FGF1: variants seen among roughly 807,000 people sequenced by gnomAD.
FGF1 encodes beta-endothelial cell growth factor.
Under a neutral mutation model 13.4 loss-of-function variants are expected in FGF1, and 9 were observed. The observed-to-expected ratio is 0.67, with a 90% CI of 0.40 to 1.17. The LOEUF is 1.17. Among genes scored for constraint, FGF1 ranks in the 50% most tolerant of loss-of-function variants. FGF1 has a pLI of 0.01. For synonymous variants in FGF1, 93 were observed against 79.0 expected, an observed-to-expected ratio of 1.18 and a Z score of -0.94; for missense variants, 156 against 192.7, an observed-to-expected ratio of 0.81 and a Z score of 1.13.
chr5:142,615,997 C>G (rs576542063), intron 1 of FGF1, among the ~76,000 whole-genome samples: 1 of 152,336 alleles, frequency 6.6e-6, no homozygotes, highest in Non-Finnish European at 1.5e-5. Flanking sequence ...ATCTGTGAAA[C>G]AGGACTCCAT....
upstream of FGF1, among the ~76,000 whole-genome samples, chr5:142,690,654 G>C (rs144293089): frequency 6.6e-6 from 1 of 152,208 alleles, no homozygotes; most frequent in Non-Finnish European, 1.5e-5. Context: ...GAGTATTGGG[G>C]TATCTTCCTA....
chr5:142,605,877 C>G (rs1164385034), intron 2 of FGF1, among the ~76,000 whole-genome samples: 2 of 152,102 alleles, frequency 1.3e-5, no homozygotes, highest in Non-Finnish European at 2.9e-5. Flanking sequence ...AGACCTACAT[C>G]CTCTTGCAGC....
intron 1 of FGF1, among the ~76,000 whole-genome samples, chr5:142,681,062 G>A (rs1376303086): frequency 6.6e-6 from 1 of 152,216 alleles, no homozygotes; most frequent in Non-Finnish European, 1.5e-5. Context: ...ATGTCCATGA[G>A]TAATACCCCA....
At chr5:142,623,907 C>G (rs1762051082) in intron 1 of FGF1, among the ~76,000 whole-genome samples, 1 of 152,030 alleles carries the variant, frequency 6.6e-6, no homozygotes, top group Admixed American at 6.5e-5. Context: ...GGCCACCATG[C>G]CTGGTTAACT....
At chr5:142,664,808 C>T (rs1028844884) in intron 1 of FGF1, among the ~76,000 whole-genome samples, 3 of 152,104 alleles carry the variant, frequency 2.0e-5, no homozygotes, top group African/African-American at 4.8e-5. Flanking sequence ...GTCTTGACTC[C>T]GCTGCTAACA....
intron 1 of FGF1, among the ~76,000 whole-genome samples, chr5:142,645,403 CT>C (rs1765857365): frequency 6.6e-6 from 1 of 152,090 alleles, no homozygotes; most frequent in African/African-American, 2.4e-5. Context: ...AGAAATGCCC[CT>C]GAGTCAATAT....
At chr5:142,661,684 C>T (rs1218701773) in intron 1 of FGF1, among the ~76,000 whole-genome samples, 1 of 152,092 alleles carries the variant, frequency 6.6e-6, no homozygotes, top group Non-Finnish European at 1.5e-5. Context: ...ACCTTGAACA[C>T]ATTATATTAA....
chr5:142,619,014 A>C (rs1174438005), intron 1 of FGF1, among the ~76,000 whole-genome samples: 1 of 138,486 alleles, frequency 7.2e-6, no homozygotes, highest in Non-Finnish European at 1.5e-5. Context: ...GGCTCACTGC[A>C]AGCTCCGCCT....
In FGF1 at chr5:142,619,775, A is replaced by G. The variant is rs890879307; in HGVS notation, c.-34-5614T>C. ...TTGAACCCGGGAGGCGGAGGTTGTG[A>G]TGAGCTGAGATTGTGGCATTGCACT... On this transcript the variant is annotated intron_variant, in intron 1 of 3. Transcript: ENST00000337706. 5.9e-5 allele frequency among the ~76,000 whole-genome samples: 9 copies of G among 151,522 alleles called. No individual in the cohort carries two copies. The South Asian group carries it at 6.3e-4, about 11-fold the overall frequency.
chr5:142,624,242 T>A (rs904581010), intron 1 of FGF1, among the ~76,000 whole-genome samples: 3 of 152,104 alleles, frequency 2.0e-5, no homozygotes, highest in African/African-American at 7.2e-5. Flanking sequence ...TTTAAAATTC[T>A]TTTTTGTAGA....
intron 1 of FGF1, among the ~76,000 whole-genome samples, chr5:142,681,380 CTGT>C (rs1773663399): frequency 6.6e-6 from 1 of 152,148 alleles, no homozygotes; most frequent in South Asian, 2.1e-4. Flanking sequence ...GCTTGGGGCT[CTGT>C]TGTTAGCACT....
intron 1 of FGF1, among the ~76,000 whole-genome samples, chr5:142,664,027 A>C (rs538766239): frequency 2.0e-5 from 3 of 152,288 alleles, no homozygotes; most frequent in East Asian, 1.9e-4. Context: ...CTAGGAAATC[A>C]ATGGCCAGAG....
intron 1 of FGF1, among the ~76,000 whole-genome samples, chr5:142,664,272 G>A (rs527857629): frequency 7.9e-5 from 12 of 152,358 alleles, no homozygotes; most frequent in South Asian, 2.1e-4. Flanking sequence ...CCCAGGCAGC[G>A]TGCACTGATG....
chr5:142,634,656 C>T (rs1275825062), intron 1 of FGF1, among the ~76,000 whole-genome samples: 1 of 152,168 alleles, frequency 6.6e-6, no homozygotes, highest in East Asian at 1.9e-4. Flanking sequence ...GTCCAGTACG[C>T]AGCATATGAT....
chr5:142,599,460 T>A (rs2299021), intron 3 of FGF1, among the ~76,000 whole-genome samples: 14,089 of 152,142 alleles, frequency 0.093, 1,233 homozygotes, highest in African/African-American at 0.23. Flanking sequence ...TCGATGTAAG[T>A]TGAAGCTCCA....
At chr5:142,604,548 G>A (rs538142688) in intron 2 of FGF1, among the ~76,000 whole-genome samples, 1 of 152,266 alleles carries the variant, frequency 6.6e-6, no homozygotes, top group Admixed American at 6.5e-5. Context: ...ATCGGGCAAA[G>A]TATTTGCCTC....
chr5:142,597,690 A>G (rs1755600852), intron 3 of FGF1, among the ~76,000 whole-genome samples: 6 of 152,144 alleles, frequency 3.9e-5, no homozygotes, highest in Admixed American at 3.3e-4. Context: ...CTTCACCCAC[A>G]GTGGTTGGTG....
At chr5:142,636,444 T>C (rs973251959) in intron 1 of FGF1, among the ~76,000 whole-genome samples, 2 of 152,208 alleles carry the variant, frequency 1.3e-5, no homozygotes, top group Non-Finnish European at 2.9e-5. Context: ...TCCCAGCTGT[T>C]TAACAATCGG....
chr5:142,592,332 C>T lies in FGF1; in HGVS notation c.*2958G>A, dbSNP rs17217646. ...AGTACACTCAAGGCTGAGGACTTGG[C>T]GCCTTGGGTTCCTTTGCCTCTGACA... On this transcript the variant is annotated 3_prime_UTR_variant, in exon 4 of 4. Transcript: ENST00000337706. 1.8e-4 allele frequency: 73 copies of T among 398,548 alleles called. No homozygotes were observed. Among genetic ancestry groups the T allele is most frequent in the Admixed American group, 2.2e-4 (5 of 22,734 alleles). The allele number at this position is 398,548 out of a possible 1,614,324, so 24.7% of individuals were successfully genotyped here.
Sources: gnomAD v4.1 joint callset for allele counts (sites outside exome capture counted in the v4.1 genomes callset) on GRCh38, gnomAD v4.1.1 for gene constraint, MANE v1.5 for transcripts, NCBI Gene and HGNC (gene_info 2026-07-23, HGNC 2026-07-21) for gene names.